Variants in TGFBR3 observed in about 807,000 individuals in gnomAD.
TGFBR3 encodes transforming growth factor beta receptor type 3.
A neutral mutation model predicts 87.9 loss-of-function variants in TGFBR3; 46 were observed. The observed-to-expected ratio is 0.52, with a 90% CI of 0.41 to 0.67. The LOEUF is 0.67. Among genes scored for constraint, TGFBR3 ranks in the 30% least tolerant of loss-of-function variants. The probability of loss-of-function intolerance (pLI) is 0.00; values close to 1 mark genes in which losing one functional copy is unlikely to be tolerated. For missense variants in TGFBR3, 866 were observed against 1,041.9 expected (o/e 0.83, Z 2.32); for synonymous variants, 381 against 391.6 (o/e 0.97, Z 0.32).
At chr1:91,765,763 C>T (rs752494188) in intron 3 of TGFBR3, among the ~76,000 whole-genome samples, 1 of 152,114 alleles carries the variant, frequency 6.6e-6, no homozygotes, top group Non-Finnish European at 1.5e-5. Context: ...GCAAATATTC[C>T]ACTATCTTTT....
At position 91,797,297 on chromosome 1, in the gene TGFBR3, A is replaced by T. The variant is rs765407857; in HGVS notation, c.236T>A (p.Leu79Gln). 1.9e-5 allele frequency: 31 copies of T among 1,614,042 alleles called. No individual in the cohort carries two copies. The highest frequency in any genetic ancestry group is 2.1e-5 in the Non-Finnish European group (25 of 1,180,030). The change falls in exon 3 of 17, where the codon CTA becomes CAA. Residue 79 changes from leucine to glutamine, a missense_variant. Leu to Gln is a moderately radical substitution (Grantham distance 113). Transcript: ENST00000212355. ...LRTAGQGPGQ[L>Q]QREVTLHLNP... Reference sequence around the variant, plus strand: ...GACACCTGCACCTACCTCTCTCTGTAGCTGGCCAGGCCCCTGGCCTGCAGT... The same window carrying T: ...GACACCTGCACCTACCTCTCTCTGTTGCTGGCCAGGCCCCTGGCCTGCAGT...
intron 3 of TGFBR3, among the ~76,000 whole-genome samples, chr1:91,783,668 CT>C (rs1674854402): frequency 6.6e-6 from 1 of 152,200 alleles, no homozygotes; most frequent in African/African-American, 2.4e-5. Context: ...TGACCAGCAA[CT>C]TTTGAGCTGA....
chr1:91,821,394 C>T (rs1367908948), intron 2 of TGFBR3, among the ~76,000 whole-genome samples: 1 of 147,662 alleles, frequency 6.8e-6, no homozygotes, highest in Non-Finnish European at 1.5e-5. Context: ...CAACCTAATA[C>T]ATTCTTAATG....
chr1:91,684,354 T>C (rs17882105), intron 16 of TGFBR3, among the ~76,000 whole-genome samples: 75 of 152,346 alleles, frequency 4.9e-4, no homozygotes, highest in African/African-American at 1.5e-3. Flanking sequence ...GAGTGAAATA[T>C]AGACTTTGTC....
chr1:91,733,265 C>T (rs369651578), intron 5 of TGFBR3, among the ~76,000 whole-genome samples: 1 of 152,266 alleles, frequency 6.6e-6, no homozygotes, highest in African/African-American at 2.4e-5. Flanking sequence ...GCGTTAAACT[C>T]AAGAGTCAGG....
chr1:91,759,804 T>C (rs1392879283), intron 3 of TGFBR3, among the ~76,000 whole-genome samples: 2 of 152,168 alleles, frequency 1.3e-5, no homozygotes, highest in African/African-American at 4.8e-5. Flanking sequence ...CTGGGAATAA[T>C]AGTACATCTC....
intron 16 of TGFBR3, among the ~76,000 whole-genome samples, chr1:91,694,039 T>C (rs1442733328): frequency 6.6e-6 from 1 of 152,174 alleles, no homozygotes; most frequent in Non-Finnish European, 1.5e-5. Flanking sequence ...TCTCTCTCTG[T>C]CGCCCAGGCT....
intron 3 of TGFBR3, among the ~76,000 whole-genome samples, chr1:91,795,958 G>A (rs990386428): frequency 3.3e-5 from 5 of 152,068 alleles, no homozygotes; most frequent in African/African-American, 1.2e-4. Flanking sequence ...TTAACATCTC[G>A]TGCTTCTCCT....
intron 14 of TGFBR3, among the ~76,000 whole-genome samples, chr1:91,705,884 T>C (rs1557667113): frequency 6.6e-6 from 1 of 152,236 alleles, no homozygotes; most frequent in African/African-American, 2.4e-5. Flanking sequence ...CTTGAACTTT[T>C]ATACAAGAAA....
chr1:91,815,786 A>G (rs1308117988), intron 2 of TGFBR3, among the ~76,000 whole-genome samples: 1 of 152,258 alleles, frequency 6.6e-6, no homozygotes, highest in Admixed American at 6.5e-5. Flanking sequence ...GCTGAACAAA[A>G]AGTTTGAACT....
chr1:91,803,284 G>A (rs1675707350), intron 2 of TGFBR3, among the ~76,000 whole-genome samples: 1 of 152,162 alleles, frequency 6.6e-6, no homozygotes, highest in African/African-American at 2.4e-5. Flanking sequence ...AGTGCCAGCT[G>A]GACACACAGC....
chr1:91,700,580 G>A (rs1036671422), intron 14 of TGFBR3, among the ~76,000 whole-genome samples: 4 of 152,164 alleles, frequency 2.6e-5, no homozygotes, highest in Non-Finnish European at 5.9e-5. Context: ...GCCCTGGAAT[G>A]AGGATATATG....
intron 4 of TGFBR3, among the ~76,000 whole-genome samples, chr1:91,743,147 G>A (rs1280972456): frequency 2.6e-5 from 4 of 152,142 alleles, no homozygotes; most frequent in African/African-American, 9.7e-5. Context: ...CCATTTTCCT[G>A]GCACTGAGGT....
At chr1:91,884,797 T>C (rs1679229576) in intron 1 of TGFBR3, among the ~76,000 whole-genome samples, 1 of 152,264 alleles carries the variant, frequency 6.6e-6, no homozygotes, top group Non-Finnish European at 1.5e-5. Context: ...CTGAAGTAAC[T>C]GTTTGCACTC....
chr1:91,736,284 G>C (rs376985697), intron 4 of TGFBR3, among the ~76,000 whole-genome samples: 1 of 151,360 alleles, frequency 6.6e-6, no homozygotes, highest in African/African-American at 2.4e-5. Flanking sequence ...CTGGCATCAG[G>C]ACATTCAGAA....
chr1:91,903,143 G>A (rs1679768646), intron 1 of TGFBR3, among the ~76,000 whole-genome samples: 1 of 150,874 alleles, frequency 6.6e-6, no homozygotes, highest in Non-Finnish European at 1.5e-5. Context: ...GTTTGAGACC[G>A]GCCTGACCAA....
chr1:91,873,122 C>G (rs907714171), intron 1 of TGFBR3, among the ~76,000 whole-genome samples: 2 of 151,928 alleles, frequency 1.3e-5, no homozygotes, highest in Non-Finnish European at 2.9e-5. Context: ...TGTGCCCCAC[C>G]ACACCCAGCT....
At chr1:91,804,065 C>A (rs1440680155) in intron 2 of TGFBR3, among the ~76,000 whole-genome samples, 1 of 152,154 alleles carries the variant, frequency 6.6e-6, no homozygotes, top group African/African-American at 2.4e-5. Context: ...TGGGGAAGAA[C>A]CATGGGGTGA....
chr1:91,730,691 C>T (rs535499234), intron 5 of TGFBR3, among the ~76,000 whole-genome samples: 1 of 152,280 alleles, frequency 6.6e-6, no homozygotes, highest in East Asian at 1.9e-4. Context: ...CTAATTAATC[C>T]TCCGACACCC....
Sources: allele counts gnomAD v4.1 joint callset (sites outside exome capture counted in the v4.1 genomes callset), GRCh38; gene constraint gnomAD v4.1.1; transcripts MANE v1.5; gene names NCBI Gene and HGNC (gene_info 2026-07-23, HGNC 2026-07-21).